The following SLC35B4 variants were observed in gnomAD, a reference collection of about 807,000 sequenced individuals.
SLC35B4 encodes nucleotide sugar transporter SLC35B4.
In SLC35B4, 28 loss-of-function variants were observed where a neutral mutation model predicts 39.5. The ratio of observed to expected loss-of-function variants is 0.71; its 90% confidence interval spans 0.53 to 0.97. SLC35B4 has a LOEUF of 0.97. Among genes scored for constraint, SLC35B4 ranks in the 50% least tolerant of loss-of-function variants. The pLI, the probability that SLC35B4 is intolerant of heterozygous loss-of-function variation, is 0.00. For missense variants in SLC35B4, 334 were observed against 414.3 expected (o/e 0.81, Z 1.68); for synonymous variants, 145 against 150.4 (o/e 0.96, Z 0.26).
chr7:134,312,898 C>T (rs1803878123), intron 1 of SLC35B4, among the ~76,000 whole-genome samples: 1 of 152,054 alleles, frequency 6.6e-6, no homozygotes. Flanking sequence ...TTTAGTTGTG[C>T]AATAATTGCC....
chr7:134,318,124 G>T (rs1258446906), upstream of SLC35B4, among the ~76,000 whole-genome samples: 2 of 152,150 alleles, frequency 1.3e-5, no homozygotes, highest in Admixed American at 1.3e-4. Flanking sequence ...TCCGTGACTG[G>T]GAGATCACAT....
Position 134,310,007 on chromosome 7 carries a change from T to A in SLC35B4, c.78-528A>T, listed in dbSNP as rs537857021. 3.3e-5 allele frequency among the ~76,000 whole-genome samples: 5 copies of A among 152,274 alleles called. No individual in the cohort carries two copies. In the East Asian group the frequency reaches 9.7e-4, roughly 29 times the overall value. On this transcript the variant is annotated intron_variant, in intron 1 of 9. Coordinates refer to ENST00000378509, the MANE Select transcript of SLC35B4 (RefSeq NM_032826.5). ...AATGGTGCCCAGCAACGGGGCAAAATTGGTTCTTGGGATGGGGGAGATATC... is the reference window on the plus strand; with the variant it reads ...AATGGTGCCCAGCAACGGGGCAAAAATGGTTCTTGGGATGGGGGAGATATC...
At chr7:134,317,948 C>T (rs1242453506), upstream of SLC35B4, among the ~76,000 whole-genome samples, 1 of 152,214 alleles carries the variant, frequency 6.6e-6, no homozygotes, top group Non-Finnish European at 1.5e-5. Context: ...TTTACCACAT[C>T]AAATATTTCC....
In SLC35B4 at chr7:134,315,642, C is replaced by CAA. The variant is rs376704817; in HGVS notation, c.77+1031_77+1032dup. Among the ~76,000 whole-genome samples, 974 of 99,912 alleles carry CAA rather than the reference C, an allele frequency of 9.7e-3. 23 individuals are homozygous for CAA. The highest frequency in any genetic ancestry group is 0.034 in the African/African-American group (924 of 27,154). 65.5% of individuals were successfully genotyped at this position (99,912 alleles called of 152,430 possible). Reference sequence around the variant, plus strand: ...ATGTATATGCAAATACTCCCAAATCCAAAAAAAAAACAAAAAACAAAAAAC... The same window carrying CAA: ...ATGTATATGCAAATACTCCCAAATCCAAAAAAAAAAAACAAAAAACAAAAAAC... On this transcript the variant is annotated intron_variant, in intron 1 of 9. Transcript: ENST00000378509.
At position 134,296,446 on chromosome 7, in the gene SLC35B4, T is replaced by C; in HGVS notation, c.694A>G (p.Ile232Val). ...CACATGATGGGCAGGGTCACTCCGA[T>C]GACGGGAATTTCATATAACTCTGTA... Reference protein sequence around the residue: ...NKSELYEIPVIGVTLPIMWFY... With the variant: ...NKSELYEIPVVGVTLPIMWFY... Residue 232 changes from isoleucine to valine, a missense_variant, in exon 9 of 10, where the codon ATC (isoleucine) becomes GTC (valine). Physicochemically the swap from Ile to Val is conservative, Grantham distance 29. Coordinates refer to ENST00000378509, the MANE Select transcript of SLC35B4 (RefSeq NM_032826.5). 7 of 1,613,826 alleles carry C rather than the reference T, an allele frequency of 4.3e-6. No individual in the cohort carries two copies. The highest frequency in any genetic ancestry group is 5.9e-6 in the Non-Finnish European group (7 of 1,179,794).
At chr7:134,320,092 C>A (rs1024563145), upstream of SLC35B4, among the ~76,000 whole-genome samples, 1 of 152,092 alleles carries the variant, frequency 6.6e-6, no homozygotes, top group Non-Finnish European at 1.5e-5. Flanking sequence ...ACAAACCACC[C>A]CAAACTGTAG....
intron 9 of SLC35B4, among the ~76,000 whole-genome samples, chr7:134,295,712 A>C (rs1362956690): frequency 1.3e-5 from 2 of 152,082 alleles, no homozygotes; most frequent in South Asian, 2.1e-4. Context: ...CAGCCTCCTA[A>C]GTAGCTGGTA....
chr7:134,316,771 A>G lies in SLC35B4; in HGVS notation c.-20T>C. 6.5e-7 allele frequency: 1 copy of G among 1,544,308 alleles called. No homozygotes were observed. The highest frequency in any genetic ancestry group is 1.2e-5 in the South Asian group (1 of 83,952). The stretch of plus-strand genomic sequence containing the variant: ...GCGCATGGCCGGTGCAGGGTTGGGG[A>G]AGCAAGCGCACAGAGTAAGCGCCCG... On this transcript the variant is annotated 5_prime_UTR_variant, in exon 1 of 10. Coordinates refer to ENST00000378509, the MANE Select transcript of SLC35B4 (RefSeq NM_032826.5).
In SLC35B4 at chr7:134,294,813, C is replaced by A; in HGVS notation, c.*20G>T. 2 of 1,613,108 alleles carry A rather than the reference C, an allele frequency of 1.2e-6. No individual in the cohort carries two copies. Among genetic ancestry groups the A allele is most frequent in the South Asian group, 2.2e-5 (2 of 90,842 alleles). ...GTCCCACCCTCACGACGACACTGGT[C>A]TACGTACTCCAGACAGGCCTCAGTT... On this transcript the variant is annotated 3_prime_UTR_variant, in exon 10 of 10. Coordinates refer to ENST00000378509, the MANE Select transcript of SLC35B4 (RefSeq NM_032826.5).
At position 134,292,266 on chromosome 7, in the gene SLC35B4, T is replaced by TA. The variant is rs1283810068; in HGVS notation, c.*2566dup. 6.5e-6 allele frequency: 1 copy of TA among 153,358 alleles called. No homozygotes were observed. Among genetic ancestry groups the TA allele is most frequent in the South Asian group, 2.1e-4 (1 of 4,852 alleles). 9.5% of individuals were successfully genotyped at this position (153,358 alleles called of 1,614,324 possible). ...AACCAAGGGGAACGTATTTTTTTTT[T>TA]AAAGAGTAGTTTTAAAAAGTATTAA... On this transcript the variant is annotated 3_prime_UTR_variant, in exon 10 of 10. Transcript: ENST00000378509.
Position 134,316,717 on chromosome 7 carries a change from G to A in SLC35B4, c.35C>T (p.Ala12Val), listed in dbSNP as rs114659197. The A allele has an allele frequency of 9.2e-5, 142 of 1,550,478 alleles. No individual in the cohort carries two copies. In the African/African-American group the frequency reaches 1.4e-3, roughly 15 times the overall value. The part of the protein sequence containing the change: ...RPALAVGLVF[A>V]GCCSNVIFLE... ...GAAGATCACGTTACTGCAGCAGCCT[G>A]CGAACACCAGGCCCACCGCCAAGGC... The change falls in exon 1 of 10, where the codon GCA becomes GTA. Residue 12 changes from alanine (A) to valine (V), a missense_variant. Ala to Val is a moderately conservative substitution (Grantham distance 64, BLOSUM62 0). Coordinates refer to ENST00000378509, the MANE Select transcript of SLC35B4 (RefSeq NM_032826.5).
Position 134,293,898 on chromosome 7 carries a change from T to A in SLC35B4, c.*935A>T, listed in dbSNP as rs529705597. 6.6e-6 allele frequency: 1 copy of A among 152,426 alleles called. No homozygotes were observed. Among genetic ancestry groups the A allele is most frequent in the Admixed American group, 6.5e-5 (1 of 15,286 alleles). 9.4% of individuals were successfully genotyped at this position (152,426 alleles called of 1,614,324 possible). A position where few individuals can be genotyped will look rare whatever the true frequency, so the allele number is the denominator to read the frequency against. ...ACCTTCATCTCCCGGGTTCAAGTGA[T>A]TCTCCTGCCTCAGCCTCCCAAGTAG... On this transcript the variant is annotated 3_prime_UTR_variant, in exon 10 of 10. Transcript: ENST00000378509.
intron 1 of SLC35B4, among the ~76,000 whole-genome samples, chr7:134,312,405 C>A (rs1394051990): frequency 6.9e-6 from 1 of 144,976 alleles, no homozygotes; most frequent in Non-Finnish European, 1.5e-5. Context: ...TTCCAGGGAG[C>A]CCCCAACTTG....
intron 8 of SLC35B4, among the ~76,000 whole-genome samples, chr7:134,298,145 G>A (rs1044285316): frequency 2.0e-5 from 3 of 151,982 alleles, no homozygotes; most frequent in African/African-American, 4.8e-5. Context: ...ACATACACAC[G>A]CATACACATA....
intron 6 of SLC35B4, among the ~76,000 whole-genome samples, chr7:134,301,172 C>G (rs1803571423): frequency 6.6e-6 from 1 of 152,178 alleles, no homozygotes; most frequent in African/African-American, 2.4e-5. Flanking sequence ...CAGTCTCAAT[C>G]CGTTATTGTT....
upstream of SLC35B4, among the ~76,000 whole-genome samples, chr7:134,319,976 AACCC>A (rs1804067632): frequency 6.6e-6 from 1 of 152,106 alleles, no homozygotes; most frequent in Non-Finnish European, 1.5e-5. Context: ...TGTGTTCTTT[AACCC>A]ATCCTCCCTG....
At chr7:134,310,545 TC>T (rs1190194170) in intron 1 of SLC35B4, among the ~76,000 whole-genome samples, 4 of 150,698 alleles carry the variant, frequency 2.7e-5, no homozygotes, top group Non-Finnish European at 4.4e-5. Flanking sequence ...TGTGTTTTCA[TC>T]TTTTTTTTTT....
chr7:134,316,592 T>A, intron 1 of SLC35B4, 83 bp downstream of exon 1: 2 of 1,423,366 alleles, frequency 1.4e-6, no homozygotes, highest in Non-Finnish European at 1.9e-6. Flanking sequence ...GGACAGGGCG[T>A]GGGCGCGTCC....
intron 1 of SLC35B4, 29 bp from the exon 2 acceptor site, chr7:134,309,508 G>A (rs1357856872): frequency 6.6e-7 from 1 of 1,516,530 alleles, no homozygotes; most frequent in East Asian, 2.3e-5. Context: ...AAGAGGGGGT[G>A]AAGGCACAAA....
Sources: gnomAD v4.1 joint callset for allele counts (sites outside exome capture counted in the v4.1 genomes callset) on GRCh38, gnomAD v4.1.1 for gene constraint, MANE v1.5 for transcripts, NCBI Gene and HGNC (gene_info 2026-07-23, HGNC 2026-07-21) for gene names.